Variants in CYP2C19 observed in about 807,000 individuals in gnomAD.
CYP2C19 encodes the protein cytochrome P450 2C19.
Under a neutral mutation model 40.9 loss-of-function variants are expected in CYP2C19, and 59 were observed. The observed-to-expected ratio is 1.44, with a 90% CI of 1.17 to 1.79. CYP2C19 has a LOEUF of 1.79. CYP2C19 is among the 40% of genes most tolerant of loss of function. The pLI, the probability that CYP2C19 is intolerant of heterozygous loss-of-function variation, is 0.00. For missense variants in CYP2C19, 754 were observed against 596.9 expected (o/e 1.26, Z -2.74); for synonymous variants, 253 against 208.7 (o/e 1.21, Z -1.83).
At chr10:94,775,027 C>A in intron 1 of CYP2C19, 31 bp from the exon 2 acceptor site, 1 of 1,609,526 alleles carries the variant, frequency 6.2e-7, no homozygotes, top group South Asian at 1.1e-5. Context: ...ACAGTGACTT[C>A]ATTTGCTGTT....
At chr10:94,770,531 G>T (rs572029129) in intron 1 of CYP2C19, among the ~76,000 whole-genome samples, 12 of 152,142 alleles carry the variant, frequency 7.9e-5, no homozygotes, top group South Asian at 2.1e-4. Context: ...CACTGAGGTT[G>T]CCAGTTTTAA....
intron 1 of CYP2C19, 32 bp from the exon 2 acceptor site, chr10:94,775,026 T>G (rs1848387113): frequency 6.2e-7 from 1 of 1,608,948 alleles, no homozygotes; most frequent in Non-Finnish European, 8.5e-7. Flanking sequence ...AACAGTGACT[T>G]CATTTGCTGT....
At chr10:94,811,392 T>C (rs1314231629) in intron 5 of CYP2C19, among the ~76,000 whole-genome samples, 1 of 152,192 alleles carries the variant, frequency 6.6e-6, no homozygotes, top group Non-Finnish European at 1.5e-5. Flanking sequence ...AGATATCTAT[T>C]ATGCCCGCTT....
At chr10:94,838,408 T>A (rs1302818519) in intron 6 of CYP2C19, among the ~76,000 whole-genome samples, 1 of 152,204 alleles carries the variant, frequency 6.6e-6, no homozygotes, top group Non-Finnish European at 1.5e-5. Flanking sequence ...CATCTCTCCA[T>A]GTCAGATCAA....
intron 5 of CYP2C19, among the ~76,000 whole-genome samples, chr10:94,806,017 G>T (rs530718438): frequency 6.6e-6 from 1 of 152,228 alleles, no homozygotes; most frequent in South Asian, 2.1e-4. Flanking sequence ...AAGAAATGTT[G>T]TAGAACCCCA....
At chr10:94,839,783 G>A (rs1275794588) in intron 6 of CYP2C19, among the ~76,000 whole-genome samples, 1 of 152,162 alleles carries the variant, frequency 6.6e-6, no homozygotes, top group Non-Finnish European at 1.5e-5. Flanking sequence ...CAGTCACCTG[G>A]GAGGAACCAT....
chr10:94,807,032 C>T (rs1458126195), intron 5 of CYP2C19, among the ~76,000 whole-genome samples: 1 of 152,126 alleles, frequency 6.6e-6, no homozygotes, highest in Non-Finnish European at 1.5e-5. Context: ...TGTTAACCAA[C>T]TTCTGGCTAT....
chr10:94,834,079 T>C (rs2134280053), intron 6 of CYP2C19, among the ~76,000 whole-genome samples: 1 of 152,304 alleles, frequency 6.6e-6, no homozygotes, highest in East Asian at 1.9e-4. Flanking sequence ...GGGTTGGTAT[T>C]AGTTCTTTGT....
intron 5 of CYP2C19, among the ~76,000 whole-genome samples, chr10:94,796,071 C>T (rs1848681613): frequency 6.6e-6 from 1 of 152,070 alleles, no homozygotes; most frequent in Non-Finnish European, 1.5e-5. Context: ...GAAGTCCTTG[C>T]CCATGCCAAT....
chr10:94,781,295 T>C (rs1848475850), intron 4 of CYP2C19, among the ~76,000 whole-genome samples: 1 of 152,180 alleles, frequency 6.6e-6, no homozygotes, highest in African/African-American at 2.4e-5. Context: ...AATAATTGTA[T>C]GATTTTACAG....
intron 7 of CYP2C19, among the ~76,000 whole-genome samples, chr10:94,848,572 G>A (rs1484306068): frequency 6.6e-6 from 1 of 152,102 alleles, no homozygotes; most frequent in Non-Finnish European, 1.5e-5. Context: ...CTCTTTTTTG[G>A]TTCCATATGA....
At chr10:94,830,540 C>G (rs1404590838) in intron 6 of CYP2C19, among the ~76,000 whole-genome samples, 1 of 152,152 alleles carries the variant, frequency 6.6e-6, no homozygotes, top group Non-Finnish European at 1.5e-5. Context: ...CACCCACTGA[C>G]CTGCGCCCAC....
At chr10:94,786,267 G>A (rs1309090465) in intron 5 of CYP2C19, among the ~76,000 whole-genome samples, 1 of 151,982 alleles carries the variant, frequency 6.6e-6, no homozygotes, top group Non-Finnish European at 1.5e-5. Flanking sequence ...TCCCATTTCT[G>A]GAAAAAGGTC....
At chr10:94,825,904 T>C (rs963708412) in intron 6 of CYP2C19, among the ~76,000 whole-genome samples, 2 of 151,802 alleles carry the variant, frequency 1.3e-5, no homozygotes, top group African/African-American at 4.8e-5. Flanking sequence ...GCACCATTTA[T>C]TAAATAGGGA....
chr10:94,838,912 C>T (rs889257605), intron 6 of CYP2C19, among the ~76,000 whole-genome samples: 3 of 151,610 alleles, frequency 2.0e-5, no homozygotes, highest in Non-Finnish European at 4.4e-5. Flanking sequence ...CATGGCCAGG[C>T]GGTACTGCAG....
chr10:94,767,701 G>A (rs1848266906), intron 1 of CYP2C19, among the ~76,000 whole-genome samples: 1 of 152,136 alleles, frequency 6.6e-6, no homozygotes, highest in African/African-American at 2.4e-5. Context: ...TTTGATGAGT[G>A]TTTTCAATAC....
Position 94,797,499 on chromosome 10 carries a change from C to T in CYP2C19, c.819+15502C>T, listed in dbSNP as rs145823731. Among the ~76,000 whole-genome samples, 822 of 152,126 alleles carry T rather than the reference C, an allele frequency of 5.4e-3. 10 individuals carry two copies. Among genetic ancestry groups the T allele is most frequent in the African/African-American group, 0.019 (780 of 41,512 alleles). On this transcript the variant is annotated intron_variant, in intron 5 of 8. Transcript: ENST00000371321. ...GCTTTGGTATCAGGATGATGCTGGC[C>T]TCATAAAATTAGTTAGGGAGGATTC...
chr10:94,791,486 T>A lies in CYP2C19; in HGVS notation c.819+9489T>A, dbSNP rs574593432. ...GTGTCAAATTTAGACCTTTCCTGCT[T>A]TCTCCTGTGGGTATTTAGTGCTATA... On this transcript the variant is annotated intron_variant, in intron 5 of 8. Transcript: ENST00000371321. 3.3e-5 allele frequency among the ~76,000 whole-genome samples: 5 copies of A among 152,308 alleles called. No homozygotes were observed. The South Asian group carries it at 8.3e-4, about 25-fold the overall frequency.
chr10:94,812,402 T>G (rs1848940414), intron 5 of CYP2C19, among the ~76,000 whole-genome samples: 1 of 151,866 alleles, frequency 6.6e-6, no homozygotes, highest in African/African-American at 2.4e-5. Flanking sequence ...CTGTATTTCC[T>G]GAATTTGAAT....
Sources: gnomAD v4.1 joint callset for allele counts (sites outside exome capture counted in the v4.1 genomes callset) on GRCh38, gnomAD v4.1.1 for gene constraint, MANE v1.5 for transcripts, NCBI Gene and HGNC (gene_info 2026-07-23, HGNC 2026-07-21) for gene names.